The following ABCC11 variants were observed in gnomAD, a reference collection of about 807,000 sequenced individuals.
ABCC11 encodes the protein ATP-binding cassette sub-family C member 11.
Under a neutral mutation model 149.3 loss-of-function variants are expected in ABCC11, and 135 were observed. The ratio of observed to expected loss-of-function variants is 0.90; its 90% CI spans 0.79 to 1.04. ABCC11 has a LOEUF of 1.04. ABCC11 is among the 50% of genes least tolerant of loss of function. The probability of loss-of-function intolerance (pLI) is 0.00; values close to 1 mark genes in which losing one functional copy is unlikely to be tolerated. For missense variants in ABCC11, 1,680 were observed against 1,722.1 expected (o/e 0.98, Z 0.43); for synonymous variants, 665 against 671.4 (o/e 0.99, Z 0.15).
chr16:48,191,257 C>T (rs1317637392), intron 20 of ABCC11, among the ~76,000 whole-genome samples: 1 of 152,086 alleles, frequency 6.6e-6, no homozygotes, highest in African/African-American at 2.4e-5. Flanking sequence ...AGAAATGGGC[C>T]AGGTGCAGTG....
Position 48,214,896 on chromosome 16 carries a change from T to A in ABCC11, c.1233A>T (p.Lys411Asn). 1.2e-6 allele frequency: 2 copies of A among 1,613,962 alleles called. No individual in the cohort carries two copies. The highest frequency in any genetic ancestry group is 1.7e-6 in the Non-Finnish European group (2 of 1,179,976). ...AAACCCTTACCATTGACGCTGTGAG[T>A]TTCAGCTTTAAGGATGTGTGGATGA... The part of the protein sequence containing the change: ...WVLIHTSLKL[K>N]LTASMAFSML... Residue 411 changes from lysine to asparagine, a missense_variant, in exon 9 of 30, where the codon AAA becomes AAT. Coordinates refer to ENST00000356608, the MANE Select transcript of ABCC11 (RefSeq NM_001370497.1).
chr16:48,182,645 T>C (rs1471814521), intron 23 of ABCC11, among the ~76,000 whole-genome samples: 1 of 152,058 alleles, frequency 6.6e-6, no homozygotes, highest in East Asian at 1.9e-4. Context: ...TAGCTGGGCA[T>C]GGTGGCGGGC....
At chr16:48,185,031 C>G (rs915295041) in intron 22 of ABCC11, among the ~76,000 whole-genome samples, 2 of 152,064 alleles carry the variant, frequency 1.3e-5, no homozygotes, top group Non-Finnish European at 2.9e-5. Context: ...AGGAGGGGAG[C>G]CTGGAGCCAC....
intron 1 of ABCC11, among the ~76,000 whole-genome samples, chr16:48,243,595 G>A (rs1053800521): frequency 5.3e-5 from 8 of 151,936 alleles, no homozygotes; most frequent in Non-Finnish European, 7.4e-5. Context: ...CGATAATAAT[G>A]TTAATTTCCT....
chr16:48,234,532 G>T (rs1032740077), intron 1 of ABCC11, among the ~76,000 whole-genome samples: 8 of 152,116 alleles, frequency 5.3e-5, no homozygotes, highest in Non-Finnish European at 7.4e-5. Context: ...GTCTTGCCGG[G>T]CACATCATTT....
Position 48,205,430 on chromosome 16 carries a change from GCCT to G in ABCC11, c.1785_1787del (p.Gly596del), listed in dbSNP as rs764769000. 1 of 1,614,068 alleles carries G rather than the reference GCCT, an allele frequency of 6.2e-7. No individual in the cohort carries two copies. The highest frequency in any genetic ancestry group is 8.5e-7 in the Non-Finnish European group (1 of 1,179,994). ...GAGCTTACCGGGCCTTGTCATATGCGCCTCCCATGAGGATGTTCTCCCTGATGT... is the reference window on the plus strand; with the variant it reads ...GAGCTTACCGGGCCTTGTCATATGCGCCCATGAGGATGTTCTCCCTGATGT... On this transcript the variant is annotated inframe_deletion, in exon 13 of 30. Coordinates refer to ENST00000356608, the MANE Select transcript of ABCC11 (RefSeq NM_001370497.1).
chr16:48,208,835 T>C (rs1291043269), intron 11 of ABCC11, among the ~76,000 whole-genome samples: 2 of 152,146 alleles, frequency 1.3e-5, no homozygotes, highest in Non-Finnish European at 2.9e-5. Context: ...TCTCCATTTG[T>C]GAAATGGGAA....
In ABCC11 at chr16:48,177,110, A is replaced by G; in HGVS notation, c.3352T>C (p.Cys1118Arg). The G allele has an allele frequency of 1.2e-6, 2 of 1,611,420 alleles. No individual in the cohort carries two copies. The highest frequency in any genetic ancestry group is 1.7e-6 in the Non-Finnish European group (2 of 1,178,862). ...ATGTGTAAAGGAGCTTCCGAGACACACATCTTGTTTTTGAAGAAAGAAAAA... is the reference window on the plus strand; with the variant it reads ...ATGTGTAAAGGAGCTTCCGAGACACGCATCTTGTTTTTGAAGAAAGAAAAA... Reference protein sequence around the residue: ...VERILQYMKMCVSEAPLHMEG... With the variant: ...VERILQYMKMRVSEAPLHMEG... The change falls in exon 25 of 30, where the codon TGT becomes CGT. Residue 1118 changes from cysteine to arginine, a missense_variant. Transcript: ENST00000356608.
intron 9 of ABCC11, 140 bp downstream of exon 9, chr16:48,214,741 A>C (rs1355029072): frequency 1.2e-5 from 14 of 1,204,470 alleles, no homozygotes; most frequent in Non-Finnish European, 1.6e-5. Context: ...ACAGCACTGT[A>C]CTTTTGTCTG....
intron 26 of ABCC11, among the ~76,000 whole-genome samples, chr16:48,173,363 C>T (rs1417356310): frequency 6.6e-6 from 1 of 152,152 alleles, no homozygotes; most frequent in Non-Finnish European, 1.5e-5. Flanking sequence ...AAACAAGTCC[C>T]CTTCCTCTCT....
rs41282047 is a variant in ABCC11 at position 48,214,821 on chromosome 16, G to T, written c.1248+60C>A. The T allele has an allele frequency of 3.2e-4, 514 of 1,600,770 alleles. 1 individual carries two copies. In the African/African-American group the frequency reaches 5.6e-3, roughly 18 times the overall value. On this transcript the variant is annotated intron_variant, in intron 9 of 29. Transcript: ENST00000356608. ...ACCTTTGAGGGGCATGGCTAAAAAAGGACACGTGAGAAAATTCCCAATCAT... is the reference window on the plus strand; with the variant it reads ...ACCTTTGAGGGGCATGGCTAAAAAATGACACGTGAGAAAATTCCCAATCAT...
At chr16:48,170,841 A>C (rs775960945) in intron 27 of ABCC11, 48 bp downstream of exon 27, 17 of 1,537,906 alleles carry the variant, frequency 1.1e-5, no homozygotes, top group Non-Finnish European at 1.4e-5. Flanking sequence ...GCAGCCCCCC[A>C]TGGGCGATGC....
At chr16:48,218,150 G>A (rs1969476224) in intron 6 of ABCC11, among the ~76,000 whole-genome samples, 1 of 152,054 alleles carries the variant, frequency 6.6e-6, no homozygotes, top group Non-Finnish European at 1.5e-5. Flanking sequence ...TTAAAAATTA[G>A]CCAAGCATGG....
intron 1 of ABCC11, chr16:48,244,226 G>C (rs928001187): frequency 1.2e-5 from 7 of 560,854 alleles, no homozygotes; most frequent in Non-Finnish European, 2.2e-5. Flanking sequence ...CTCTCCTAGA[G>C]AGCAGCGCGA....
At chr16:48,175,048 G>C (rs186146171) in intron 26 of ABCC11, among the ~76,000 whole-genome samples, 84 of 152,284 alleles carry the variant, frequency 5.5e-4, no homozygotes, top group Middle Eastern at 3.4e-3. Context: ...ATAACATTAC[G>C]GTTTACAAAG....
At chr16:48,193,334 G>A (rs1012469071) in intron 19 of ABCC11, among the ~76,000 whole-genome samples, 10 of 152,270 alleles carry the variant, frequency 6.6e-5, no homozygotes, top group African/African-American at 2.4e-4. Context: ...GGAGTACTGT[G>A]GGAAAAGCAT....
intron 24 of ABCC11, among the ~76,000 whole-genome samples, chr16:48,177,530 T>G (rs1966162566): frequency 6.6e-6 from 1 of 152,154 alleles, no homozygotes; most frequent in Non-Finnish European, 1.5e-5. Flanking sequence ...ATTTCCCAGG[T>G]GAGGAGATAG....
intron 14 of ABCC11, among the ~76,000 whole-genome samples, chr16:48,201,191 G>A (rs1200319655): frequency 6.6e-6 from 1 of 152,102 alleles, no homozygotes; most frequent in African/African-American, 2.4e-5. Flanking sequence ...ACTTCTAGGA[G>A]GCAAACATTA....
chr16:48,222,331 C>G (rs895157989), intron 6 of ABCC11, among the ~76,000 whole-genome samples: 13 of 152,272 alleles, frequency 8.5e-5, no homozygotes, highest in African/African-American at 3.1e-4. Flanking sequence ...CCTGCCTGGG[C>G]CTCCCAAAGT....
Sources: allele counts gnomAD v4.1 joint callset (sites outside exome capture counted in the v4.1 genomes callset), GRCh38; gene constraint gnomAD v4.1.1; transcripts MANE v1.5; gene names NCBI Gene and HGNC (gene_info 2026-07-23, HGNC 2026-07-21).